HRK: variants seen among roughly 807,000 people sequenced by gnomAD.
HRK encodes the protein harakiri, BCL2 interacting protein, also known as activator of apoptosis harakiri.
In HRK, 6 loss-of-function variants were observed where a neutral mutation model predicts 5.9. The observed-to-expected ratio is 1.02, with a 90% CI of 0.56 to 2.01. The LOEUF (loss-of-function observed/expected upper bound fraction) is 2.01, where lower values mean the gene tolerates loss of function less well. HRK is among the 30% of genes most tolerant of loss of function. The pLI is 0.00. For synonymous variants in HRK, 85 were observed against 65.1 expected (o/e 1.31, Z -1.47); for missense variants, 133 against 128.3 (o/e 1.04, Z -0.18).
At chr12:116,877,561 G>A (rs1486409870) in intron 1 of HRK, among the ~76,000 whole-genome samples, 3 of 152,222 alleles carry the variant, frequency 2.0e-5, no homozygotes, top group Non-Finnish European at 2.9e-5. Context: ...GCAGGTAGGA[G>A]TGGTGTGGAA....
At chr12:116,866,916 CAT>C (rs1404669385) in intron 1 of HRK, among the ~76,000 whole-genome samples, 1 of 152,162 alleles carries the variant, frequency 6.6e-6, no homozygotes, top group East Asian at 1.9e-4. Context: ...CCATGTCCCA[CAT>C]GTTATACTAT....
intron 1 of HRK, among the ~76,000 whole-genome samples, chr12:116,870,971 T>G (rs909441399): frequency 3.9e-5 from 6 of 152,232 alleles, no homozygotes; most frequent in Admixed American, 3.3e-4. Flanking sequence ...CAAGCTGGAG[T>G]GCAATGGCAT....
chr12:116,863,697 C>CTT (rs72323973), intron 1 of HRK, among the ~76,000 whole-genome samples: 14 of 138,934 alleles, frequency 1.0e-4, no homozygotes, highest in African/African-American at 2.6e-4. Context: ...AAACCTTTTG[C>CTT]TTTTTTTTTT....
chr12:116,865,994 C>T (rs1046170149), intron 1 of HRK, among the ~76,000 whole-genome samples: 3 of 151,680 alleles, frequency 2.0e-5, no homozygotes, highest in Non-Finnish European at 4.4e-5. Flanking sequence ...CCCATCTCTA[C>T]TAAAAATACA....
intron 1 of HRK, among the ~76,000 whole-genome samples, chr12:116,865,160 T>C (rs2137245190): frequency 6.6e-6 from 1 of 152,292 alleles, no homozygotes; most frequent in Admixed American, 6.5e-5. Flanking sequence ...CAGCATTAGA[T>C]GGGGCAAGAG....
chr12:116,868,389 C>A (rs182820073), intron 1 of HRK, among the ~76,000 whole-genome samples: 1 of 152,344 alleles, frequency 6.6e-6, no homozygotes, highest in Admixed American at 6.5e-5. Flanking sequence ...TATCCCCTGG[C>A]ATTTAAGCTC....
chr12:116,872,746 G>T (rs1310078382), intron 1 of HRK, among the ~76,000 whole-genome samples: 2 of 151,980 alleles, frequency 1.3e-5, no homozygotes, highest in Admixed American at 1.3e-4. Context: ...CTGCACTCCA[G>T]CCTGGGTGAC....
intron 1 of HRK, among the ~76,000 whole-genome samples, chr12:116,863,760 G>A (rs902567042): frequency 1.3e-5 from 2 of 150,884 alleles, no homozygotes; most frequent in Non-Finnish European, 2.9e-5. Context: ...GTGCAGTGGC[G>A]CCATCATAGC....
chr12:116,866,858 A>G (rs541490241), intron 1 of HRK, among the ~76,000 whole-genome samples: 2 of 151,948 alleles, frequency 1.3e-5, no homozygotes, highest in South Asian at 2.1e-4. Flanking sequence ...AAAAATACAG[A>G]CTCTTCTTAA....
At position 116,862,132 on chromosome 12, in the gene HRK, G is replaced by T. The variant is rs554085680; in HGVS notation, c.*57-666C>A. Among the ~76,000 whole-genome samples, 1 of 152,224 alleles carries T rather than the reference G, an allele frequency of 6.6e-6. No homozygotes were observed. Among genetic ancestry groups the T allele is most frequent in the East Asian group, 1.9e-4 (1 of 5,192 alleles). On this transcript the variant is annotated intron_variant, in intron 1 of 1. Coordinates refer to ENST00000257572, the MANE Select transcript of HRK (RefSeq NM_003806.4). The surrounding 1 kb of genome is among the most constrained non-coding windows in gnomAD (Gnocchi z 4.0). ...AGGGAGACAAAGCAGACTCCTCAGA[G>T]AGAGTGGCAGGCCCCTGCTGACTAT...
chr12:116,859,039 G>T lies in HRK; in HGVS notation c.*2484C>A, dbSNP rs2137240384. 6.6e-6 allele frequency: 1 copy of T among 152,256 alleles called. No individual in the cohort carries two copies. Among genetic ancestry groups the T allele is most frequent in the Non-Finnish European group, 1.5e-5 (1 of 68,034 alleles). The allele number at this position is 152,256 out of a possible 1,614,324, so 9.4% of individuals were successfully genotyped here. On this transcript the variant is annotated 3_prime_UTR_variant, in exon 2 of 2. Transcript: ENST00000257572. Reference sequence around the variant, plus strand: ...TGCACTCCAATGAATGATGTGCAAGGAAAGGTCAGGATTCGATAAATACGT... The same window carrying T: ...TGCACTCCAATGAATGATGTGCAAGTAAAGGTCAGGATTCGATAAATACGT...
At chr12:116,864,365 G>T (rs1191143229) in intron 1 of HRK, among the ~76,000 whole-genome samples, 4 of 152,076 alleles carry the variant, frequency 2.6e-5, no homozygotes. Flanking sequence ...CCAGGTGCCT[G>T]CTTTAAATTT....
At chr12:116,863,532 A>G (rs1878437923) in intron 1 of HRK, among the ~76,000 whole-genome samples, 2 of 152,066 alleles carry the variant, frequency 1.3e-5, no homozygotes, top group Non-Finnish European at 2.9e-5. Flanking sequence ...AAGCTGTCCT[A>G]AATTCTCCTC....
intron 1 of HRK, among the ~76,000 whole-genome samples, chr12:116,875,306 T>G (rs1419638789): frequency 6.6e-6 from 1 of 152,094 alleles, no homozygotes; most frequent in Non-Finnish European, 1.5e-5. Flanking sequence ...GAAGCAAAAC[T>G]TAGTAGTTTT....
In HRK at chr12:116,881,026, G is replaced by A. The variant is rs1382546741; in HGVS notation, c.*6C>T. ...GGCTCCGGCCCCACCAAGAAGCCCCGCGTTCCTACAAGTTCCGCCTGCCGA... is the reference window on the plus strand; with the variant it reads ...GGCTCCGGCCCCACCAAGAAGCCCCACGTTCCTACAAGTTCCGCCTGCCGA... On this transcript the variant is annotated 3_prime_UTR_variant, in exon 1 of 2. Transcript: ENST00000257572. The A allele has an allele frequency of 6.0e-6, 8 of 1,329,122 alleles. No individual in the cohort carries two copies. The East Asian group carries it at 2.5e-4, about 42-fold the overall frequency. The allele number at this position is 1,329,122 out of a possible 1,614,324, so 82.3% of individuals were successfully genotyped here. A position where few individuals can be genotyped will look rare whatever the true frequency, so the allele number is the denominator to read the frequency against.
Position 116,881,320 on chromosome 12 carries a change from C to G in HRK, c.-13G>C. ...GGCACGGGCACATGACCGCTGGCCTCGCTCCCGCCCCGCGCTCGGGCCGCC... is the reference window on the plus strand; with the variant it reads ...GGCACGGGCACATGACCGCTGGCCTGGCTCCCGCCCCGCGCTCGGGCCGCC... On this transcript the variant is annotated 5_prime_UTR_variant, in exon 1 of 2. Coordinates refer to ENST00000257572, the MANE Select transcript of HRK (RefSeq NM_003806.4). 1 of 1,064,230 alleles carries G rather than the reference C, an allele frequency of 9.4e-7. No homozygotes were observed. The highest frequency in any genetic ancestry group is 1.1e-6 in the Non-Finnish European group (1 of 882,446). The allele number at this position is 1,064,230 out of a possible 1,614,324, so 65.9% of individuals were successfully genotyped here. A position where few individuals can be genotyped will look rare whatever the true frequency, so the allele number is the denominator to read the frequency against.
At chr12:116,876,499 C>A (rs1878933699) in intron 1 of HRK, among the ~76,000 whole-genome samples, 1 of 152,184 alleles carries the variant, frequency 6.6e-6, no homozygotes, top group Non-Finnish European at 1.5e-5. Flanking sequence ...TTCCTTGCCA[C>A]TGACCACGTC....
At chr12:116,869,912 T>C (rs1878683983) in intron 1 of HRK, among the ~76,000 whole-genome samples, 1 of 152,106 alleles carries the variant, frequency 6.6e-6, no homozygotes, top group Non-Finnish European at 1.5e-5. Flanking sequence ...AAACCCCTTC[T>C]CTACTAAAAA....
chr12:116,863,801 C>T (rs1182230586), intron 1 of HRK, among the ~76,000 whole-genome samples: 4 of 151,892 alleles, frequency 2.6e-5, no homozygotes, highest in Non-Finnish European at 5.9e-5. Context: ...TGAGCTCAAG[C>T]GATCCTCCCA....
Sources: gnomAD v4.1 joint callset for allele counts (sites outside exome capture counted in the v4.1 genomes callset) on GRCh38, gnomAD v4.1.1 for gene constraint, Gnocchi (gnomAD v3.1) non-coding constraint, MANE v1.5 for transcripts, NCBI Gene and HGNC (gene_info 2026-07-23, HGNC 2026-07-21) for gene names.